The following LEPR variants were observed in gnomAD, a reference collection of about 807,000 sequenced individuals.
LEPR encodes OB receptor.
A neutral mutation model predicts 114.7 loss-of-function variants in LEPR; 56 were observed. The ratio of observed to expected loss-of-function variants is 0.49; its 90% CI spans 0.39 to 0.61. The LOEUF is 0.61. Among genes scored for constraint, LEPR ranks in the 20% least tolerant of loss-of-function variants. The pLI is 0.00. For missense variants in LEPR, 1,202 were observed against 1,352.9 expected, an observed-to-expected ratio of 0.89 and a Z score of 1.75; for synonymous variants, 443 against 461.4, an observed-to-expected ratio of 0.96 and a Z score of 0.51.
chr1:65,438,068 C>T (rs184808929), intron 2 of LEPR, among the ~76,000 whole-genome samples: 80 of 149,968 alleles, frequency 5.3e-4, no homozygotes, highest in African/African-American at 1.8e-3. Context: ...GTCTCAGCCT[C>T]CCAAAATGCT....
rs546031094 is a variant in LEPR, at chr1:65,588,237, C to T, written c.495-4420C>T. 7.9e-5 allele frequency among the ~76,000 whole-genome samples: 12 copies of T among 151,996 alleles called. No individual in the cohort carries two copies. In the South Asian group the frequency reaches 2.3e-3, roughly 29 times the overall value. The stretch of plus-strand genomic sequence containing the variant: ...CTAGTAAGTAAGAAATAACAACTGT[C>T]TGTTCTTGGTTGCATGCTATTATTT... On this transcript the variant is annotated intron_variant, in intron 5 of 19. Coordinates refer to ENST00000349533, the MANE Select transcript of LEPR (RefSeq NM_002303.6).
chr1:65,623,059 C>A, intron 19 of LEPR, 78 bp downstream of exon 19: 1 of 1,368,258 alleles, frequency 7.3e-7, no homozygotes, highest in Non-Finnish European at 1.0e-6. Context: ...GAGCATTAAG[C>A]ATTTTTAAGA....
chr1:65,436,007 A>G, intron 2 of LEPR: 5 of 984,106 alleles, frequency 5.1e-6, no homozygotes, highest in Non-Finnish European at 6.0e-6. Flanking sequence ...TGACATTTTA[A>G]CAAAGGCTTT....
At chr1:65,551,663 G>T (rs1476386680) in intron 2 of LEPR, among the ~76,000 whole-genome samples, 1 of 152,012 alleles carries the variant, frequency 6.6e-6, no homozygotes, top group Non-Finnish European at 1.5e-5. Flanking sequence ...CCAGCTCCTG[G>T]ATTCACTGAG....
intron 2 of LEPR, among the ~76,000 whole-genome samples, chr1:65,461,775 C>G (rs1007906369): frequency 6.6e-6 from 1 of 152,130 alleles, no homozygotes; most frequent in Non-Finnish European, 1.5e-5. Context: ...AAAAATCTGA[C>G]AAACCCCACC....
chr1:65,423,527 A>C (rs901387460), intron 1 of LEPR, among the ~76,000 whole-genome samples: 2 of 152,298 alleles, frequency 1.3e-5, no homozygotes, highest in African/African-American at 4.8e-5. Flanking sequence ...GGAGAGGAGC[A>C]AAGCCTGCTG....
intron 5 of LEPR, among the ~76,000 whole-genome samples, chr1:65,581,449 C>CTT (rs35414686): frequency 3.4e-5 from 5 of 145,984 alleles, no homozygotes; most frequent in African/African-American, 1.3e-4. Flanking sequence ...GGTTGAAAGG[C>CTT]TTTTTTTTTT....
At chr1:65,543,050 A>T (rs1651355984) in intron 2 of LEPR, among the ~76,000 whole-genome samples, 1 of 152,088 alleles carries the variant, frequency 6.6e-6, no homozygotes, top group East Asian at 1.9e-4. Flanking sequence ...GTCTTCCACA[A>T]TGGTTGAACT....
chr1:65,516,293 G>C (rs960514716), intron 2 of LEPR, among the ~76,000 whole-genome samples: 1 of 151,900 alleles, frequency 6.6e-6, no homozygotes, highest in East Asian at 1.9e-4. Context: ...AAATTAGCCG[G>C]ATTAGCCCGG....
At chr1:65,451,971 T>G (rs1210689481) in intron 2 of LEPR, among the ~76,000 whole-genome samples, 1 of 151,338 alleles carries the variant, frequency 6.6e-6, no homozygotes, top group East Asian at 1.9e-4. Context: ...TGGTTTGTAG[T>G]TCTCCTTGAA....
intron 2 of LEPR, among the ~76,000 whole-genome samples, chr1:65,509,968 T>C (rs1419206664): frequency 1.3e-5 from 2 of 152,200 alleles, no homozygotes; most frequent in Non-Finnish European, 2.9e-5. Context: ...AGAATTTTCT[T>C]TCTCTTGACA....
chr1:65,571,791 CAAAAAAAAA>C (rs34139057), intron 4 of LEPR, among the ~76,000 whole-genome samples: 14,066 of 74,186 alleles, frequency 0.19, 1,141 homozygotes, highest in Admixed American at 0.31. Flanking sequence ...CCATCTCTAC[CAAAAAAAAA>C]AAAAAAAAAA....
rs1481635807 is a variant in LEPR, at chr1:65,605,163, C to T, written c.1529C>T (p.Thr510Ile). Reference sequence around the variant, plus strand: ...CCAATCTTCCTATTATCTGGCTACACAATGTGGATTAGGATCAATCACTCT... The same window carrying T: ...CCAATCTTCCTATTATCTGGCTACATAATGTGGATTAGGATCAATCACTCT... ...FQPIFLLSGY[T>I]MWIRINHSLG... The change falls in exon 11 of 20, where the codon ACA (threonine) becomes ATA (isoleucine). Residue 510 changes from threonine (T) to isoleucine (I), a missense_variant. Thr to Ile is a moderately conservative substitution (Grantham distance 89). Transcript: ENST00000349533. 3 of 1,614,140 alleles carry T rather than the reference C, an allele frequency of 1.9e-6. No homozygotes were observed. Among genetic ancestry groups the T allele is most frequent in the Non-Finnish European group, 1.7e-6 (2 of 1,180,030 alleles).
chr1:65,598,451 T>C (rs1467863124), intron 7 of LEPR, among the ~76,000 whole-genome samples: 1 of 152,178 alleles, frequency 6.6e-6, no homozygotes, highest in Non-Finnish European at 1.5e-5. Flanking sequence ...TATGATTTTT[T>C]CTTGGACCCA....
At chr1:65,482,839 T>C (rs1647284315) in intron 2 of LEPR, among the ~76,000 whole-genome samples, 2 of 151,828 alleles carry the variant, frequency 1.3e-5, no homozygotes, top group South Asian at 4.2e-4. Flanking sequence ...TACAAAAAAA[T>C]TAGCCAGGCG....
At chr1:65,581,356 C>T (rs960826987) in intron 5 of LEPR, among the ~76,000 whole-genome samples, 2 of 152,064 alleles carry the variant, frequency 1.3e-5, no homozygotes, top group Admixed American at 6.6e-5. Flanking sequence ...GCCTGAGTAA[C>T]CCTCTCTTCT....
chr1:65,426,820 A>C (rs185653524), intron 2 of LEPR, among the ~76,000 whole-genome samples: 3 of 152,170 alleles, frequency 2.0e-5, no homozygotes, highest in Non-Finnish European at 4.4e-5. Context: ...AACATGGTGA[A>C]ACCCCATCTC....
chr1:65,554,517 G>A (rs915449920), intron 2 of LEPR, among the ~76,000 whole-genome samples: 2 of 152,096 alleles, frequency 1.3e-5, no homozygotes, highest in African/African-American at 4.8e-5. Context: ...CACTGTGAGG[G>A]GAAAACTGCC....
intron 14 of LEPR, among the ~76,000 whole-genome samples, chr1:65,615,794 C>G (rs1352806330): frequency 6.6e-6 from 1 of 152,102 alleles, no homozygotes; most frequent in Non-Finnish European, 1.5e-5. Context: ...AATAAGTTTG[C>G]TATGCTCCAT....
Sources: allele counts gnomAD v4.1 joint callset (sites outside exome capture counted in the v4.1 genomes callset), GRCh38; gene constraint gnomAD v4.1.1; transcripts MANE v1.5; gene names NCBI Gene and HGNC (gene_info 2026-07-23, HGNC 2026-07-21).